Variants in EXOC6B observed in about 807,000 individuals in gnomAD.
EXOC6B encodes exocyst complex component 6B.
Under a neutral mutation model 113.5 loss-of-function variants are expected in EXOC6B, and 54 were observed. The observed-to-expected ratio is 0.48, with a 90% CI of 0.38 to 0.60. EXOC6B has a LOEUF of 0.60. Among genes scored for constraint, EXOC6B ranks in the 20% least tolerant of loss-of-function variants. EXOC6B has a pLI of 0.00. For synonymous variants in EXOC6B, 357 were observed against 339.0 expected, an observed-to-expected ratio of 1.05 and a Z score of -0.58; for missense variants, 797 against 977.5, an observed-to-expected ratio of 0.82 and a Z score of 2.46.
At chr2:72,792,906 G>A (rs1335693278) in intron 1 of EXOC6B, among the ~76,000 whole-genome samples, 48 of 151,770 alleles carry the variant, frequency 3.2e-4, no homozygotes, top group Non-Finnish European at 7.4e-5. Context: ...GATTAGTTTT[G>A]CCTATTCTTA....
At chr2:72,351,228 T>G (rs1689638563) in intron 19 of EXOC6B, among the ~76,000 whole-genome samples, 1 of 152,206 alleles carries the variant, frequency 6.6e-6, no homozygotes, top group Non-Finnish European at 1.5e-5. Flanking sequence ...TAGGAAAATT[T>G]TACTGATGCC....
At chr2:72,616,983 T>C (rs1022393648) in intron 6 of EXOC6B, among the ~76,000 whole-genome samples, 7 of 152,196 alleles carry the variant, frequency 4.6e-5, no homozygotes, top group Admixed American at 6.5e-5. Context: ...ACAGTGGGGA[T>C]ACAGGCATTG....
intron 6 of EXOC6B, among the ~76,000 whole-genome samples, chr2:72,585,834 G>A (rs1159757188): frequency 6.6e-6 from 1 of 151,892 alleles, no homozygotes; most frequent in African/African-American, 2.4e-5. Flanking sequence ...AAAAGCCCTG[G>A]ACTAGATGTA....
chr2:72,536,959 C>A (rs749179679), intron 8 of EXOC6B, among the ~76,000 whole-genome samples: 3 of 152,122 alleles, frequency 2.0e-5, no homozygotes, highest in Non-Finnish European at 4.4e-5. Flanking sequence ...CATTTATGTC[C>A]TTTTAAAGAA....
intron 20 of EXOC6B, among the ~76,000 whole-genome samples, chr2:72,227,204 C>T (rs1321373638): frequency 6.6e-6 from 1 of 151,956 alleles, no homozygotes; most frequent in African/African-American, 2.4e-5. Context: ...TAAGCAAATC[C>T]AACTATATGC....
chr2:72,291,873 T>G (rs1217277888), intron 20 of EXOC6B, among the ~76,000 whole-genome samples: 2 of 152,190 alleles, frequency 1.3e-5, no homozygotes, highest in African/African-American at 4.8e-5. Flanking sequence ...AAGAAAAAGT[T>G]AAAACGCTTA....
intron 16 of EXOC6B, among the ~76,000 whole-genome samples, chr2:72,484,716 G>T (rs569219820): frequency 6.6e-6 from 1 of 151,890 alleles, no homozygotes; most frequent in South Asian, 2.1e-4. Flanking sequence ...TTTTCTGTTC[G>T]TGTGTTAGTT....
chr2:72,573,025 C>T (rs1030146553), intron 7 of EXOC6B, among the ~76,000 whole-genome samples: 5 of 152,052 alleles, frequency 3.3e-5, no homozygotes, highest in African/African-American at 9.7e-5. Flanking sequence ...TATGAGAAAC[C>T]TCCAACACAT....
intron 1 of EXOC6B, among the ~76,000 whole-genome samples, chr2:72,767,858 A>T (rs1368002383): frequency 1.4e-5 from 2 of 139,716 alleles, no homozygotes; most frequent in Non-Finnish European, 3.1e-5. Context: ...GCTCACGCTT[A>T]TAATTCCAGA....
chr2:72,739,429 T>A (rs1681166056), intron 2 of EXOC6B, among the ~76,000 whole-genome samples: 1 of 152,134 alleles, frequency 6.6e-6, no homozygotes, highest in Admixed American at 6.5e-5. Context: ...TTACCAAGAA[T>A]CTTCATATAT....
intron 6 of EXOC6B, among the ~76,000 whole-genome samples, chr2:72,665,157 G>C (rs930078926): frequency 6.6e-6 from 1 of 152,142 alleles, no homozygotes; most frequent in Non-Finnish European, 1.5e-5. Context: ...CCATGGCCCA[G>C]AACACCCAAC....
intron 1 of EXOC6B, among the ~76,000 whole-genome samples, chr2:72,744,275 T>C (rs964370344): frequency 6.6e-6 from 1 of 152,200 alleles, no homozygotes. Context: ...TGACTGTACA[T>C]GTTTGGCTTC....
intron 6 of EXOC6B, among the ~76,000 whole-genome samples, chr2:72,593,215 G>A (rs569866326): frequency 2.6e-5 from 4 of 152,020 alleles, no homozygotes; most frequent in Non-Finnish European, 5.9e-5. Context: ...TAAGTTGTAC[G>A]CTTTCTAATA....
intron 6 of EXOC6B, among the ~76,000 whole-genome samples, chr2:72,602,392 T>C (rs924571315): frequency 6.6e-6 from 1 of 152,172 alleles, no homozygotes; most frequent in African/African-American, 2.4e-5. Context: ...AAAACCAACA[T>C]ACTCCACGTG....
chr2:72,767,808 T>TAAACAAAAAAAAAAAAAAA (rs1683162442), intron 1 of EXOC6B, among the ~76,000 whole-genome samples: 7 of 12,680 alleles, frequency 5.5e-4, no homozygotes, highest in African/African-American at 2.1e-3. Context: ...GAGACCTTGT[T>TAAACAAAAAAAAAAAAAAA]AAAAAAAAAA....
chr2:72,511,127 T>C (rs911564551), intron 11 of EXOC6B, among the ~76,000 whole-genome samples: 6 of 152,080 alleles, frequency 3.9e-5, no homozygotes, highest in African/African-American at 1.4e-4. Flanking sequence ...AAGTTCTGTA[T>C]ACTATAACAA....
At chr2:72,645,345 A>G (rs1673623458) in intron 6 of EXOC6B, among the ~76,000 whole-genome samples, 1 of 152,164 alleles carries the variant, frequency 6.6e-6, no homozygotes, top group South Asian at 2.1e-4. Context: ...ATAATGGGAG[A>G]CTTTAACACC....
chr2:72,347,978 T>C (rs17008082), intron 19 of EXOC6B, among the ~76,000 whole-genome samples: 29,419 of 152,134 alleles, frequency 0.19, 5,154 homozygotes, highest in African/African-American at 0.47. Context: ...TACTACACTA[T>C]GGCTTCTTGT....
At chr2:72,652,708 C>CT (rs1220961917) in intron 6 of EXOC6B, among the ~76,000 whole-genome samples, 1 of 147,764 alleles carries the variant, frequency 6.8e-6, no homozygotes, top group East Asian at 1.9e-4. Context: ...GAGATTTTTA[C>CT]TTTTTTCTAT....
Sources: gnomAD v4.1 joint callset for allele counts (sites outside exome capture counted in the v4.1 genomes callset) on GRCh38, gnomAD v4.1.1 for gene constraint, MANE v1.5 for transcripts, NCBI Gene and HGNC (gene_info 2026-07-23, HGNC 2026-07-21) for gene names.